The following RCAN2 variants were observed in gnomAD, a reference collection of about 807,000 sequenced individuals.
The protein encoded by RCAN2 is regulator of calcineurin 2.
A neutral mutation model predicts 23.6 loss-of-function variants in RCAN2; 9 were observed. The ratio of observed to expected loss-of-function variants is 0.38; its 90% CI spans 0.23 to 0.67. RCAN2 has a LOEUF of 0.67. RCAN2 is among the 30% of genes least tolerant of loss of function. RCAN2 has a pLI of 0.51. For synonymous variants in RCAN2, 109 were observed against 115.7 expected (o/e 0.94, Z 0.37); for missense variants, 273 against 302.3 (o/e 0.90, Z 0.72).
chr6:46,251,822 T>A (rs1377761943), intron 2 of RCAN2, among the ~76,000 whole-genome samples: 1 of 152,080 alleles, frequency 6.6e-6, no homozygotes, highest in Non-Finnish European at 1.5e-5. Flanking sequence ...AGGCACCAAC[T>A]CCCACCAAGT....
intron 2 of RCAN2, among the ~76,000 whole-genome samples, chr6:46,418,070 T>C (rs572032771): frequency 1.3e-5 from 2 of 152,314 alleles, no homozygotes; most frequent in East Asian, 1.9e-4. Context: ...ACATTAATCA[T>C]ATATGAGATT....
At chr6:46,376,091 T>A (rs1765452453) in intron 2 of RCAN2, among the ~76,000 whole-genome samples, 1 of 152,220 alleles carries the variant, frequency 6.6e-6, no homozygotes, top group African/African-American at 2.4e-5. Context: ...TGCTCCTTCC[T>A]TTCTTGTTGG....
intron 2 of RCAN2, among the ~76,000 whole-genome samples, chr6:46,346,857 T>G (rs1764497493): frequency 6.6e-6 from 1 of 151,658 alleles, no homozygotes; most frequent in East Asian, 1.9e-4. Context: ...AAATTTTTAT[T>G]TATTTATTTA....
At chr6:46,451,155 G>A (rs1368307084) in intron 2 of RCAN2, among the ~76,000 whole-genome samples, 2 of 152,028 alleles carry the variant, frequency 1.3e-5, no homozygotes, top group Non-Finnish European at 2.9e-5. Context: ...AGATTTCCAT[G>A]ATAAATTCAT....
intron 2 of RCAN2, among the ~76,000 whole-genome samples, chr6:46,384,588 G>A (rs757509294): frequency 2.0e-5 from 3 of 152,126 alleles, no homozygotes; most frequent in Non-Finnish European, 4.4e-5. Flanking sequence ...GGGTTAAAGA[G>A]GCTAAGTCTC....
chr6:46,380,924 G>A (rs1001051797), intron 2 of RCAN2, among the ~76,000 whole-genome samples: 12 of 152,170 alleles, frequency 7.9e-5, no homozygotes, highest in Non-Finnish European at 1.3e-4. Context: ...TTAATCAGCA[G>A]ATCAGTGCTA....
At chr6:46,277,196 T>C (rs1204265682) in intron 2 of RCAN2, among the ~76,000 whole-genome samples, 1 of 152,232 alleles carries the variant, frequency 6.6e-6, no homozygotes, top group Non-Finnish European at 1.5e-5. Flanking sequence ...TGGTTTTCTA[T>C]TTGTACATCC....
intron 2 of RCAN2, among the ~76,000 whole-genome samples, chr6:46,297,330 G>A (rs558997433): frequency 6.6e-6 from 1 of 152,256 alleles, no homozygotes; most frequent in South Asian, 2.1e-4. Flanking sequence ...AAGAAGTGAG[G>A]ATACTCTCAA....
chr6:46,400,172 G>T (rs188406803), intron 2 of RCAN2, among the ~76,000 whole-genome samples: 1 of 152,282 alleles, frequency 6.6e-6, no homozygotes, highest in Admixed American at 6.5e-5. Context: ...CTTCTACTGT[G>T]GGGTGAGGGG....
chr6:46,463,247 C>T (rs372593808), intron 1 of RCAN2, among the ~76,000 whole-genome samples: 1 of 152,092 alleles, frequency 6.6e-6, no homozygotes, highest in East Asian at 1.9e-4. Context: ...AAAAAGCATA[C>T]GAAGCATAGA....
chr6:46,485,855 T>C (rs907984454), intron 1 of RCAN2, among the ~76,000 whole-genome samples: 2 of 152,164 alleles, frequency 1.3e-5, no homozygotes, highest in African/African-American at 4.8e-5. Context: ...CTGACCCACA[T>C]TGGTACTGAC....
intron 1 of RCAN2, among the ~76,000 whole-genome samples, chr6:46,470,851 A>T (rs1239162078): frequency 2.0e-5 from 3 of 152,248 alleles, no homozygotes; most frequent in African/African-American, 7.2e-5. Flanking sequence ...TGTGGCAAGG[A>T]TGAAATCTGT....
intron 2 of RCAN2, among the ~76,000 whole-genome samples, chr6:46,292,425 TG>T (rs60330287): frequency 0.73 from 96,426 of 132,912 alleles, 34,337 homozygotes; most frequent in Non-Finnish European, 0.75. Flanking sequence ...GTTGATTTGT[TG>T]TTTTTTTTTT....
chr6:46,339,944 T>C (rs1764255392), intron 2 of RCAN2, among the ~76,000 whole-genome samples: 1 of 152,154 alleles, frequency 6.6e-6, no homozygotes, highest in Non-Finnish European at 1.5e-5. Context: ...TTCACATACA[T>C]AATGTACATG....
At chr6:46,421,533 G>A (rs528052040) in intron 2 of RCAN2, among the ~76,000 whole-genome samples, 1 of 152,328 alleles carries the variant, frequency 6.6e-6, no homozygotes, top group East Asian at 1.9e-4. Flanking sequence ...AGAGTGAACA[G>A]AGCAGAAGGA....
chr6:46,272,186 C>T (rs199712888), intron 2 of RCAN2, among the ~76,000 whole-genome samples: 2 of 152,140 alleles, frequency 1.3e-5, no homozygotes, highest in East Asian at 1.9e-4. Flanking sequence ...CATTGTTATA[C>T]AAAATAGCCA....
In RCAN2 at chr6:46,399,251, A is replaced by G. The variant is rs921922903; in HGVS notation, c.225+57501T>C. On this transcript the variant is annotated intron_variant, in intron 2 of 4. Coordinates refer to ENST00000371374, the MANE Select transcript of RCAN2 (RefSeq NM_001251974.2). ...CAAGATCGCTGATCTTTCTCCTCCA[A>G]TCCCTAGTAATTCACAACTATTTCT... 3.9e-5 allele frequency among the ~76,000 whole-genome samples: 6 copies of G among 152,122 alleles called. No homozygotes were observed. The East Asian group carries it at 7.8e-4, about 20-fold the overall frequency.
intron 2 of RCAN2, among the ~76,000 whole-genome samples, chr6:46,419,111 G>A (rs551403360): frequency 1.2e-4 from 18 of 152,124 alleles, no homozygotes; most frequent in African/African-American, 3.6e-4. Context: ...GTGAAAATAC[G>A]ACGTAATAGT....
At chr6:46,266,485 G>C (rs946923627) in intron 2 of RCAN2, among the ~76,000 whole-genome samples, 2 of 152,216 alleles carry the variant, frequency 1.3e-5, no homozygotes, top group African/African-American at 4.8e-5. Context: ...AAGAGAATGT[G>C]CAGAGACATT....
Sources: allele counts gnomAD v4.1 joint callset (sites outside exome capture counted in the v4.1 genomes callset), GRCh38; gene constraint gnomAD v4.1.1; transcripts MANE v1.5; gene names NCBI Gene and HGNC (gene_info 2026-07-23, HGNC 2026-07-21).